Variants in SNX30 observed in about 807,000 individuals in gnomAD.
SNX30 encodes sorting nexin-30.
Under a neutral mutation model 46.4 loss-of-function variants are expected in SNX30, and 24 were observed. That is an observed-to-expected ratio of 0.52 (90% confidence interval 0.37 to 0.73). The LOEUF (loss-of-function observed/expected upper bound fraction) is 0.73. Ranked by LOEUF, SNX30 falls within the 30% of genes least tolerant of loss-of-function variation. The pLI is 0.00. For synonymous variants in SNX30, 189 were observed against 211.5 expected (o/e 0.89, Z 0.92); for missense variants, 533 against 555.7 (o/e 0.96, Z 0.41).
chr9:112,875,703 G>A (rs147326815), downstream of SNX30: 23 of 152,290 alleles, frequency 1.5e-4, no homozygotes, highest in African/African-American at 5.3e-4. Context: ...AAATATTAAG[G>A]CTATTAGGAT....
intron 6 of SNX30, among the ~76,000 whole-genome samples, chr9:112,846,246 C>T (rs1159371489): frequency 6.6e-6 from 1 of 152,094 alleles, no homozygotes; most frequent in East Asian, 1.9e-4. Flanking sequence ...GGAAAAAGAC[C>T]AGAAGGGAAG....
chr9:112,785,383 GT>G (rs5900016), intron 1 of SNX30, among the ~76,000 whole-genome samples: 103,545 of 124,838 alleles, frequency 0.83, 42,833 homozygotes, highest in Middle Eastern at 0.91. Context: ...GCCTGGCTAA[GT>G]TTTTTTTTTT....
chr9:112,838,423 G>A, intron 5 of SNX30, 75 bp from the exon 6 acceptor site: 2 of 1,276,282 alleles, frequency 1.6e-6, no homozygotes, highest in Admixed American at 4.2e-5. Context: ...GCTCTTGGCT[G>A]TGGTGATTAC....
chr9:112,851,411 C>T (rs748354195), intron 7 of SNX30, among the ~76,000 whole-genome samples: 5 of 152,316 alleles, frequency 3.3e-5, no homozygotes, highest in African/African-American at 7.2e-5. Flanking sequence ...GTTAAACTCG[C>T]GTGAGGAGTT....
At chr9:112,781,732 G>C (rs1839849625) in intron 1 of SNX30, among the ~76,000 whole-genome samples, 1 of 151,998 alleles carries the variant, frequency 6.6e-6, no homozygotes, top group Non-Finnish European at 1.5e-5. Context: ...CTCAGGTTCA[G>C]GGGATTCCCA....
chr9:112,750,746 G>T (rs1217686128), upstream of SNX30: 1 of 151,742 alleles, frequency 6.6e-6, no homozygotes, highest in Non-Finnish European at 1.4e-5. Context: ...GTGTGGCTGT[G>T]TGGGCTGGGC....
chr9:112,769,772 C>G (rs535653137), intron 1 of SNX30, among the ~76,000 whole-genome samples: 1 of 152,256 alleles, frequency 6.6e-6, no homozygotes, highest in Admixed American at 6.5e-5. Flanking sequence ...GGCCAGAAAC[C>G]TCTCTCCTGA....
chr9:112,773,917 G>A (rs1839694724), intron 1 of SNX30, among the ~76,000 whole-genome samples: 1 of 152,170 alleles, frequency 6.6e-6, no homozygotes, highest in Non-Finnish European at 1.5e-5. Context: ...GTTTCAATAA[G>A]TAAATTACTC....
intron 3 of SNX30, among the ~76,000 whole-genome samples, chr9:112,823,609 CAGT>C (rs1840538440): frequency 6.6e-6 from 1 of 152,138 alleles, no homozygotes. Flanking sequence ...ATGTTTACCT[CAGT>C]TTTAAGGAAG....
At chr9:112,852,739 G>A (rs1841049924) in intron 7 of SNX30, among the ~76,000 whole-genome samples, 1 of 152,188 alleles carries the variant, frequency 6.6e-6, no homozygotes, top group Non-Finnish European at 1.5e-5. Context: ...TGGTTTGTAA[G>A]TGGAACGTGT....
intron 1 of SNX30, among the ~76,000 whole-genome samples, chr9:112,795,244 A>G (rs1840088516): frequency 6.6e-6 from 1 of 152,154 alleles, no homozygotes; most frequent in African/African-American, 2.4e-5. Flanking sequence ...CACTATTCCA[A>G]CTGCTTCCAT....
chr9:112,872,379 G>A lies in SNX30; in HGVS notation c.*3536G>A, dbSNP rs1373885724. Reference sequence around the variant, plus strand: ...GCCATCGTTAGCTTTGAAATCACAGGCATTGGGCTCTGTTTTGACACCATT... The same window carrying A: ...GCCATCGTTAGCTTTGAAATCACAGACATTGGGCTCTGTTTTGACACCATT... On this transcript the variant is annotated 3_prime_UTR_variant, in exon 9 of 9. Transcript: ENST00000374232. 1 of 152,242 alleles carries A rather than the reference G, an allele frequency of 6.6e-6. No individual in the cohort carries two copies. Among genetic ancestry groups the A allele is most frequent in the Non-Finnish European group, 1.5e-5 (1 of 68,060 alleles). 9.4% of individuals were successfully genotyped at this position (152,242 alleles called of 1,614,324 possible).
intron 6 of SNX30, among the ~76,000 whole-genome samples, chr9:112,842,964 C>A (rs529359751): frequency 6.6e-6 from 1 of 152,170 alleles, no homozygotes; most frequent in Non-Finnish European, 1.5e-5. Flanking sequence ...TTAAATACCT[C>A]GCAGACATCC....
chr9:112,864,981 ATGCGCGTG>A (rs1564296696), intron 8 of SNX30, among the ~76,000 whole-genome samples: 21 of 88,908 alleles, frequency 2.4e-4, no homozygotes, highest in African/African-American at 8.9e-4. Flanking sequence ...GCGCACGCAC[ATGCGCGTG>A]CACACACACA....
downstream of SNX30, chr9:112,879,344 G>A (rs1841550676): frequency 6.1e-6 from 1 of 164,702 alleles, no homozygotes; most frequent in African/African-American, 2.4e-5. Context: ...TTCTCCCATG[G>A]GACTTTCAGC....
chr9:112,833,306 G>A (rs1179819287), intron 4 of SNX30, among the ~76,000 whole-genome samples: 2 of 152,124 alleles, frequency 1.3e-5, no homozygotes, highest in Non-Finnish European at 2.9e-5. Flanking sequence ...ATGCAGAGAC[G>A]CTCTTCCTTT....
At chr9:112,866,431 A>G (rs1841345230) in intron 8 of SNX30, 6 of 470,716 alleles carry the variant, frequency 1.3e-5, no homozygotes, top group South Asian at 7.7e-5. Flanking sequence ...GGTACATTTG[A>G]GGACCAAATA....
At chr9:112,758,844 C>G (rs1261128676) in intron 1 of SNX30, among the ~76,000 whole-genome samples, 3 of 150,138 alleles carry the variant, frequency 2.0e-5, no homozygotes, top group Non-Finnish European at 2.9e-5. Flanking sequence ...GACCTTGTCT[C>G]TGTTAAACAC....
intron 1 of SNX30, among the ~76,000 whole-genome samples, chr9:112,788,609 G>T (rs2131384527): frequency 6.6e-6 from 1 of 152,308 alleles, no homozygotes; most frequent in East Asian, 1.9e-4. Flanking sequence ...TTACGTATAA[G>T]ACTTTTCCAT....
Sources: gnomAD v4.1 joint callset for allele counts (sites outside exome capture counted in the v4.1 genomes callset) on GRCh38, gnomAD v4.1.1 for gene constraint, MANE v1.5 for transcripts, NCBI Gene and HGNC (gene_info 2026-07-23, HGNC 2026-07-21) for gene names.